Variants in ADCY8 observed in about 807,000 individuals in gnomAD.
The protein encoded by ADCY8 is adenylate cyclase type 8.
ADCY8 carries 51 observed loss-of-function variants against 119.7 expected under a neutral mutation model. That is an observed-to-expected ratio of 0.43 (90% CI 0.34 to 0.54). The LOEUF is 0.54. Ranked by LOEUF, ADCY8 falls within the 20% of genes least tolerant of loss-of-function variation. ADCY8 has a pLI of 0.03. For synonymous variants in ADCY8, 665 were observed against 651.0 expected (o/e 1.02, Z -0.33); for missense variants, 1,383 against 1,598.8 (o/e 0.87, Z 2.30).
At chr8:130,811,537 C>G (rs1423384282) in intron 14 of ADCY8, among the ~76,000 whole-genome samples, 1 of 152,200 alleles carries the variant, frequency 6.6e-6, no homozygotes, top group Admixed American at 6.5e-5. Context: ...CTGTTTAGCT[C>G]AGTCTGAAAA....
intron 1 of ADCY8, among the ~76,000 whole-genome samples, chr8:131,036,437 T>C (rs1824156896): frequency 6.6e-6 from 1 of 152,168 alleles, no homozygotes; most frequent in African/African-American, 2.4e-5. Flanking sequence ...TTATAATATT[T>C]CCTATATGAT....
chr8:130,967,270 G>A (rs192667771), intron 2 of ADCY8, among the ~76,000 whole-genome samples: 1 of 152,286 alleles, frequency 6.6e-6, no homozygotes, highest in Admixed American at 6.5e-5. Context: ...GTGGAAGTCT[G>A]GATAACATTC....
chr8:130,969,109 CT>C (rs1002603243), intron 2 of ADCY8, among the ~76,000 whole-genome samples: 21 of 152,226 alleles, frequency 1.4e-4, no homozygotes, highest in African/African-American at 5.1e-4. Context: ...ATATGTTATT[CT>C]GGATGTTTCT....
At chr8:130,890,565 A>G (rs1294694380) in intron 7 of ADCY8, among the ~76,000 whole-genome samples, 1 of 152,184 alleles carries the variant, frequency 6.6e-6, no homozygotes, top group East Asian at 1.9e-4. Context: ...ATGAGATAAA[A>G]GGCACTACCA....
chr8:130,950,810 C>A (rs1821246748), intron 3 of ADCY8, among the ~76,000 whole-genome samples: 2 of 152,220 alleles, frequency 1.3e-5, no homozygotes, highest in Non-Finnish European at 2.9e-5. Context: ...AGCAATTCTC[C>A]TGCCTTAGTC....
At chr8:130,868,053 A>G (rs1818190316) in intron 8 of ADCY8, 107 bp from the exon 9 acceptor site, 3 of 679,538 alleles carry the variant, frequency 4.4e-6, no homozygotes, top group Non-Finnish European at 7.1e-6. Context: ...TTTTAAATTA[A>G]GAATAATTCA....
intron 5 of ADCY8, among the ~76,000 whole-genome samples, chr8:130,933,280 G>T (rs1217115246): frequency 6.6e-6 from 1 of 152,154 alleles, no homozygotes; most frequent in Non-Finnish European, 1.5e-5. Context: ...CTTCTATCAA[G>T]TTTTCAAATT....
chr8:130,946,903 G>C (rs1200650652), intron 3 of ADCY8, among the ~76,000 whole-genome samples: 1 of 152,154 alleles, frequency 6.6e-6, no homozygotes, highest in East Asian at 1.9e-4. Context: ...AGACTCAGAA[G>C]CACTGGTTTA....
intron 9 of ADCY8, among the ~76,000 whole-genome samples, chr8:130,855,637 G>A (rs571294713): frequency 2.7e-5 from 4 of 150,086 alleles, no homozygotes; most frequent in Non-Finnish European, 4.4e-5. Flanking sequence ...TGTGAGGCTC[G>A]CTTCTCGTGG....
chr8:130,972,044 GA>G, intron 2 of ADCY8, among the ~76,000 whole-genome samples: 1 of 152,260 alleles, frequency 6.6e-6, no homozygotes, highest in East Asian at 1.9e-4. Flanking sequence ...CTCATAAACA[GA>G]ATCTACCTAG....
At chr8:130,958,156 C>T (rs1421716278) in intron 2 of ADCY8, among the ~76,000 whole-genome samples, 1 of 152,166 alleles carries the variant, frequency 6.6e-6, no homozygotes, top group African/African-American at 2.4e-5. Flanking sequence ...GCAACATAAT[C>T]CCTTGGGAGG....
At chr8:130,791,833 TCTC>T (rs1815435132) in intron 15 of ADCY8, among the ~76,000 whole-genome samples, 1 of 152,216 alleles carries the variant, frequency 6.6e-6, no homozygotes, top group Non-Finnish European at 1.5e-5. Flanking sequence ...GCTCCAGCAT[TCTC>T]CTTTGTCCCT....
chr8:130,975,922 T>G (rs1822058253), intron 2 of ADCY8, among the ~76,000 whole-genome samples: 1 of 152,224 alleles, frequency 6.6e-6, no homozygotes, highest in African/African-American at 2.4e-5. Flanking sequence ...ATTACTTTTA[T>G]ACTATAGTAA....
chr8:130,887,557 T>C (rs189880385), intron 7 of ADCY8, among the ~76,000 whole-genome samples: 1 of 152,300 alleles, frequency 6.6e-6, no homozygotes, highest in East Asian at 1.9e-4. Flanking sequence ...CAATTACATA[T>C]GACAATTACA....
intron 15 of ADCY8, among the ~76,000 whole-genome samples, chr8:130,787,802 T>C (rs1349489737): frequency 1.3e-5 from 2 of 151,930 alleles, no homozygotes; most frequent in African/African-American, 4.8e-5. Flanking sequence ...CACACACACA[T>C]GTGTGTTGTT....
intron 1 of ADCY8, among the ~76,000 whole-genome samples, chr8:131,014,445 T>A (rs1823405968): frequency 6.6e-6 from 1 of 152,196 alleles, no homozygotes; most frequent in Non-Finnish European, 1.5e-5. Context: ...ACCATCCTGT[T>A]CACAATTTTT....
At chr8:130,789,445 G>C (rs143945946) in intron 15 of ADCY8, among the ~76,000 whole-genome samples, 1 of 152,264 alleles carries the variant, frequency 6.6e-6, no homozygotes, top group Non-Finnish European at 1.5e-5. Flanking sequence ...TATAATTTTG[G>C]AGAGTGGGTA....
intron 12 of ADCY8, among the ~76,000 whole-genome samples, chr8:130,823,479 A>G (rs1028735188): frequency 6.6e-6 from 1 of 151,852 alleles, no homozygotes; most frequent in Non-Finnish European, 1.5e-5. Context: ...GTTGCCAGGG[A>G]CTTAAAACCA....
In ADCY8 at chr8:130,909,816, T is replaced by A; in HGVS notation, c.1532A>T (p.His511Leu). The A allele has an allele frequency of 6.2e-7, 1 of 1,613,940 alleles. No homozygotes were observed. The highest frequency in any genetic ancestry group is 8.5e-7 in the Non-Finnish European group (1 of 1,179,990). Residue 511 changes from histidine (H) to leucine (L), a missense_variant, in exon 6 of 18, where the codon CAC (histidine) becomes CTC (leucine). This residue lies in a region of ADCY8 where 928 missense variants were observed against 1,163.5 expected (regional missense o/e 0.80). Transcript: ENST00000286355. ...KHDVDMRIGI[H>L]SGSVLCGVLG... ...AACACCGCACAGCACCGAGCCGGAG[T>A]GGATTCCAATCCTCATGTCAACATC...
Sources: gnomAD v4.1 joint callset for allele counts (sites outside exome capture counted in the v4.1 genomes callset) on GRCh38, gnomAD v4.1.1 for gene constraint, gnomAD v4.1.1 regional missense constraint, MANE v1.5 for transcripts, NCBI Gene and HGNC (gene_info 2026-07-23, HGNC 2026-07-21) for gene names.